The following SUN3 variants were observed in gnomAD, a reference collection of about 807,000 sequenced individuals.
The protein encoded by SUN3 is SUN domain-containing protein 3.
In SUN3, 36 loss-of-function variants were observed where a neutral mutation model predicts 48.2. The observed-to-expected ratio is 0.75, with a 90% CI of 0.57 to 0.99. The LOEUF (loss-of-function observed/expected upper bound fraction) is 0.99, where lower values mean the gene tolerates loss of function less well. Ranked by LOEUF, SUN3 falls within the 50% of genes least tolerant of loss-of-function variation. The pLI is 0.00. For synonymous variants in SUN3, 148 were observed against 147.9 expected (o/e 1.00, Z 0.00); for missense variants, 419 against 433.1 (o/e 0.97, Z 0.29).
Position 48,006,008 on chromosome 7 carries a change from C to A in SUN3, c.538G>T (p.Asp180Tyr). ...GCATAATCAGCCATCTCGACTTGGT[C>A]TTCTCTCAACTTTTTAAGTACATAA... ...VNYVLKKLREDQVEMADYALK... is the reference protein window; with the variant it reads ...VNYVLKKLREYQVEMADYALK... Residue 180 changes from aspartate (D) to tyrosine (Y), a missense_variant, in exon 6 of 10, where the codon GAC becomes TAC. Physicochemically the swap from Asp to Tyr is radical, Grantham distance 160. Coordinates refer to ENST00000297325, the MANE Select transcript of SUN3 (RefSeq NM_001030019.2). The A allele has an allele frequency of 6.2e-7, 1 of 1,613,012 alleles. No individual in the cohort carries two copies.
chr7:48,023,943 A>G (rs34420707), intron 2 of SUN3, among the ~76,000 whole-genome samples: 8,736 of 152,286 alleles, frequency 0.057, 312 homozygotes, highest in South Asian at 0.11. Flanking sequence ...ACTATAGCCA[A>G]TTCAGTTTTT....
At chr7:47,988,428 T>G (rs1788958968) in intron 9 of SUN3, among the ~76,000 whole-genome samples, 1 of 152,192 alleles carries the variant, frequency 6.6e-6, no homozygotes, top group African/African-American at 2.4e-5. Flanking sequence ...CTCTGTCCAC[T>G]TCATATTGTA....
chr7:48,015,051 A>G (rs1443114699), intron 3 of SUN3, among the ~76,000 whole-genome samples: 1 of 152,190 alleles, frequency 6.6e-6, no homozygotes, highest in Non-Finnish European at 1.5e-5. Context: ...CAATATCTAG[A>G]CTGGTGCTTG....
At chr7:47,993,095 TA>T (rs1010438824) in intron 8 of SUN3, among the ~76,000 whole-genome samples, 1 of 151,946 alleles carries the variant, frequency 6.6e-6, no homozygotes, top group African/African-American at 2.4e-5. Context: ...AAAAAAAATG[TA>T]AAGCAATTAT....
intron 2 of SUN3, among the ~76,000 whole-genome samples, chr7:48,019,011 T>G (rs996389554): frequency 1.3e-5 from 2 of 152,166 alleles, no homozygotes; most frequent in Non-Finnish European, 2.9e-5. Context: ...ATATAAACTC[T>G]GAAGCTGAAA....
chr7:48,029,193 C>G (rs141088215), upstream of SUN3: 234 of 449,520 alleles, frequency 5.2e-4, no homozygotes, highest in African/African-American at 4.4e-3. Context: ...GCAACCACCT[C>G]TCTGCTTCAA....
In SUN3 at chr7:47,994,374, A is replaced by G; in HGVS notation, c.802T>C (p.Ser268Pro). Residue 268 changes from serine to proline, a missense_variant, in exon 8 of 10, where the codon TCA becomes CCA. By Grantham distance (74) the Ser-to-Pro change is moderately conservative. Transcript: ENST00000297325. ...TTTCCTGACGGAGACACCTTCTCTG[A>G]GATGTGCTCCATGGTAACAGCAGTT... is the stretch of plus-strand genomic sequence containing the variant. ...IPTAVTMEHI[S>P]EKVSPSGNIS... is the part of the protein sequence containing the mutation. 1 of 1,613,766 alleles carries G rather than the reference A, an allele frequency of 6.2e-7. No homozygotes were observed.
the SUN3 span, among the ~76,000 whole-genome samples, chr7:48,034,960 GA>G: frequency 6.6e-6 from 1 of 151,804 alleles, no homozygotes; most frequent in East Asian, 1.9e-4. Flanking sequence ...TATTAGTCTT[GA>G]AAAAAATGCA....
chr7:48,007,139 C>A, intron 5 of SUN3, 26 bp downstream of exon 5: 1 of 1,599,296 alleles, frequency 6.3e-7, no homozygotes, highest in South Asian at 1.1e-5. Context: ...CCCACCCTGC[C>A]CAACCCGCCT....
At position 47,987,394 on chromosome 7, in the gene SUN3, C is replaced by A. The variant is rs777407650; in HGVS notation, c.1010G>T (p.Gly337Val). 6.2e-7 allele frequency: 1 copy of A among 1,607,634 alleles called. No homozygotes were observed. Among genetic ancestry groups the A allele is most frequent in the Non-Finnish European group, 8.5e-7 (1 of 1,176,940 alleles). Residue 337 changes from glycine to valine, a missense_variant, in exon 10 of 10, where the codon GGA becomes GTA. Gly to Val is a moderately radical substitution (Grantham distance 109). Transcript: ENST00000297325. ...CVKLNIFSNW[G>V]HPKYTCLYRF... ...ATATAAACAAGTATACTTCGGGTGT[C>A]CCCAGTTGCTAAAGATATTAAGTTT... is the stretch of plus-strand genomic sequence containing the variant.
chr7:48,004,178 C>T (rs1225838004), intron 6 of SUN3, among the ~76,000 whole-genome samples: 1 of 152,174 alleles, frequency 6.6e-6, no homozygotes, highest in Non-Finnish European at 1.5e-5. Flanking sequence ...ACAATTCCAA[C>T]ATCTGTGTCA....
At chr7:48,025,838 G>A (rs748784911) in intron 2 of SUN3, 39 bp downstream of exon 2, 2 of 1,374,488 alleles carry the variant, frequency 1.5e-6, no homozygotes, top group Non-Finnish European at 2.1e-6. Flanking sequence ...GACATAACCT[G>A]TGGAATGGTT....
At chr7:48,008,510 A>G (rs1789595128) in intron 4 of SUN3, among the ~76,000 whole-genome samples, 1 of 152,206 alleles carries the variant, frequency 6.6e-6, no homozygotes, top group Admixed American at 6.5e-5. Context: ...ATTTTCTTAT[A>G]GGGTTATTTT....
intron 2 of SUN3, among the ~76,000 whole-genome samples, chr7:48,021,083 T>C (rs1035692995): frequency 1.3e-5 from 2 of 152,052 alleles, no homozygotes; most frequent in African/African-American, 2.4e-5. Flanking sequence ...AAGTGAGAGA[T>C]AGGCTGATGA....
the SUN3 span, among the ~76,000 whole-genome samples, chr7:48,035,341 C>A: frequency 6.6e-6 from 1 of 152,122 alleles, no homozygotes; most frequent in Admixed American, 6.5e-5. This position sits in a 1 kb window ranked among gnomAD's most constrained non-coding sequence, Gnocchi z 4.0. Context: ...GGCATCGCTG[C>A]GCTGCCCTGC....
intron 4 of SUN3, among the ~76,000 whole-genome samples, chr7:48,008,309 CTG>C (rs941655037): frequency 3.3e-5 from 5 of 152,120 alleles, no homozygotes; most frequent in Non-Finnish European, 5.9e-5. Context: ...GAAATAAACA[CTG>C]TTAAATTTTA....
In SUN3 at chr7:47,987,320, A is replaced by G. The variant is rs1415947357; in HGVS notation, c.*10T>C. The stretch of plus-strand genomic sequence containing the variant: ...CTGGACATGTGGCATGGCCTTCTGT[A>G]CCAACTCTTCTAGATGTGCTTGCCT... On this transcript the variant is annotated 3_prime_UTR_variant, in exon 10 of 10. Coordinates refer to ENST00000297325, the MANE Select transcript of SUN3 (RefSeq NM_001030019.2). 6.2e-7 allele frequency: 1 copy of G among 1,609,474 alleles called. No individual in the cohort carries two copies. The highest frequency in any genetic ancestry group is 8.5e-7 in the Non-Finnish European group (1 of 1,177,534).
chr7:48,035,084 C>T, the SUN3 span, among the ~76,000 whole-genome samples: 1 of 152,224 alleles, frequency 6.6e-6, no homozygotes, highest in Middle Eastern at 3.4e-3. The surrounding 1 kb of genome is among the most constrained non-coding windows in gnomAD (Gnocchi z 4.0). Flanking sequence ...TTTTTGTATA[C>T]TGGTGGGGTG....
intron 6 of SUN3, among the ~76,000 whole-genome samples, chr7:48,004,915 C>T (rs113356725): frequency 0.027 from 4,156 of 152,288 alleles, 190 homozygotes; most frequent in African/African-American, 0.094. Context: ...CGGATTTTTT[C>T]TCATTGTAAT....
Sources: allele counts gnomAD v4.1 joint callset (sites outside exome capture counted in the v4.1 genomes callset), GRCh38; gene constraint gnomAD v4.1.1; non-coding constraint Gnocchi (gnomAD v3.1); transcripts MANE v1.5; gene names NCBI Gene and HGNC (gene_info 2026-07-23, HGNC 2026-07-21).